Variants in OPA3 observed in about 807,000 individuals in gnomAD.
OPA3 encodes optic atrophy 3 protein.
In OPA3, 6 loss-of-function variants were observed where a neutral mutation model predicts 4.0. The ratio of observed to expected loss-of-function variants is 1.51; its 90% confidence interval spans 0.83 to 2.99. The LOEUF is 2.99. OPA3 is among the 30% of genes most tolerant of loss of function. The pLI is 0.00. For missense variants in OPA3, 235 were observed against 256.2 expected (o/e 0.92, Z 0.56); for synonymous variants, 105 against 117.1 (o/e 0.90, Z 0.67).
rs751946259 is a variant in OPA3, at chr19:45,550,450, G to C, written c.*3064C>G. 1 of 986,020 alleles carries C rather than the reference G, an allele frequency of 1.0e-6. No homozygotes were observed. The highest frequency in any genetic ancestry group is 1.2e-6 in the Non-Finnish European group (1 of 830,438). The allele number at this position is 986,020 out of a possible 1,614,324, so 61.1% of individuals were successfully genotyped here. A position where few individuals can be genotyped will look rare whatever the true frequency, so the allele number is the denominator to read the frequency against. On this transcript the variant is annotated 3_prime_UTR_variant, in exon 2 of 2. Coordinates refer to ENST00000263275, the MANE Select transcript of OPA3 (RefSeq NM_025136.4). ...CTCCCACTATCAACGCCACCTCTGG[G>C]ATGGTCTGGGCCTCTGTGTAGAGAT...
At chr19:45,578,712 A>G (rs1007250295) in intron 1 of OPA3, among the ~76,000 whole-genome samples, 15 of 152,164 alleles carry the variant, frequency 9.9e-5, no homozygotes, top group Non-Finnish European at 2.2e-4. Flanking sequence ...CTGTAATCCC[A>G]GCTACTCGGG....
intron 1 of OPA3, chr19:45,529,533 C>A: frequency 1.3e-6 from 2 of 1,558,758 alleles, no homozygotes; most frequent in Non-Finnish European, 1.8e-6. Context: ...GCTTCGATGT[C>A]CCCGTTGTAG....
intron 1 of OPA3, among the ~76,000 whole-genome samples, chr19:45,558,675 T>G (rs975005266): frequency 1.5e-4 from 23 of 152,030 alleles, no homozygotes; most frequent in African/African-American, 5.6e-4. Flanking sequence ...CGCTCCCCCA[T>G]TTCTACAGGG....
At chr19:45,563,966 C>G (rs1025695855) in intron 1 of OPA3, among the ~76,000 whole-genome samples, 1 of 151,852 alleles carries the variant, frequency 6.6e-6, no homozygotes, top group Non-Finnish European at 1.5e-5. Context: ...CTGGGATTAC[C>G]GGTGTGCACC....
chr19:45,536,723 G>C (rs969273684), intron 1 of OPA3, among the ~76,000 whole-genome samples: 1 of 152,082 alleles, frequency 6.6e-6, no homozygotes, highest in African/African-American at 2.4e-5. Flanking sequence ...AGAGAATCCA[G>C]AAATATTCAC....
intron 1 of OPA3, chr19:45,529,464 A>C (rs1969035028): frequency 6.2e-7 from 1 of 1,611,472 alleles, no homozygotes; most frequent in South Asian, 1.1e-5. Context: ...ACACTGCAGG[A>C]AAAGACAGGA....
At chr19:45,564,307 G>A (rs1008515280) in intron 1 of OPA3, among the ~76,000 whole-genome samples, 6 of 117,278 alleles carry the variant, frequency 5.1e-5, no homozygotes, top group East Asian at 2.9e-4. Context: ...AGGGGGGCAG[G>A]TAGAGGGAAG....
chr19:45,583,008 G>A (rs893950287), intron 1 of OPA3, among the ~76,000 whole-genome samples: 1 of 152,226 alleles, frequency 6.6e-6, no homozygotes, highest in African/African-American at 2.4e-5. Flanking sequence ...ATAGCTTGGA[G>A]GTTAGAAGCA....
At chr19:45,542,002 A>G (rs866820921), downstream of OPA3, among the ~76,000 whole-genome samples, 17 of 152,282 alleles carry the variant, frequency 1.1e-4, no homozygotes, top group African/African-American at 4.1e-4. Context: ...GGAGTCCCTG[A>G]GTGCTTCATG....
rs186395735 is a variant in OPA3, at chr19:45,548,081, C to G, written c.*5433G>C. The G allele has an allele frequency of 1.0e-6, 1 of 980,966 alleles. No homozygotes were observed. The highest frequency in any genetic ancestry group is 6.1e-5 in the Admixed American group (1 of 16,266). The allele number at this position is 980,966 out of a possible 1,614,324, so 60.8% of individuals were successfully genotyped here. On this transcript the variant is annotated 3_prime_UTR_variant, in exon 2 of 2. Coordinates refer to ENST00000263275, the MANE Select transcript of OPA3 (RefSeq NM_025136.4). ...CTGCTTGCTCCCAACTGGCTCCCAGCTACTAGAATGGAGCCTGGTGCAGTT... is the reference window on the plus strand; with the variant it reads ...CTGCTTGCTCCCAACTGGCTCCCAGGTACTAGAATGGAGCCTGGTGCAGTT...
chr19:45,581,309 G>A (rs1237452218), intron 1 of OPA3, among the ~76,000 whole-genome samples: 1 of 152,048 alleles, frequency 6.6e-6, no homozygotes, highest in Non-Finnish European at 1.5e-5. Context: ...CTTACAGAGG[G>A]GGAAAAAAAG....
intron 1 of OPA3, among the ~76,000 whole-genome samples, chr19:45,539,202 C>T (rs1283579709): frequency 6.6e-6 from 1 of 152,144 alleles, no homozygotes; most frequent in East Asian, 1.9e-4. Context: ...GGACACAGAG[C>T]CAAACTATAT....
chr19:45,563,543 G>A (rs2122469939), intron 1 of OPA3, among the ~76,000 whole-genome samples: 1 of 152,132 alleles, frequency 6.6e-6, no homozygotes, highest in Middle Eastern at 3.4e-3. Context: ...CTGAAATAGA[G>A]TAAGGAAGTC....
chr19:45,558,003 T>C (rs1299790835), intron 1 of OPA3, among the ~76,000 whole-genome samples: 1 of 152,052 alleles, frequency 6.6e-6, no homozygotes, highest in Non-Finnish European at 1.5e-5. Flanking sequence ...TCTGCAATTG[T>C]CCCCCACGCA....
intron 1 of OPA3, among the ~76,000 whole-genome samples, chr19:45,567,324 G>C (rs1019586335): frequency 2.7e-5 from 4 of 149,472 alleles, no homozygotes; most frequent in Admixed American, 6.7e-5. Context: ...TGGGTGACAG[G>C]GGGAGACCCT....
intron 1 of OPA3, among the ~76,000 whole-genome samples, chr19:45,567,547 A>G (rs1387284910): frequency 6.6e-6 from 1 of 152,054 alleles, no homozygotes; most frequent in African/African-American, 2.4e-5. Flanking sequence ...ACCTTTCTAG[A>G]GTAATGACGA....
chr19:45,549,425 G>A lies in OPA3; in HGVS notation c.*4089C>T. ...GAGATGTGAGAGCAGCACTCCATCT[G>A]GGTCAGGACAGCGCTGGGGTCAGGA... On this transcript the variant is annotated 3_prime_UTR_variant, in exon 2 of 2. Coordinates refer to ENST00000263275, the MANE Select transcript of OPA3 (RefSeq NM_025136.4). The A allele has an allele frequency of 1.0e-6, 1 of 985,312 alleles. No individual in the cohort carries two copies. Among genetic ancestry groups the A allele is most frequent in the Non-Finnish European group, 1.2e-6 (1 of 829,924 alleles). The allele number at this position is 985,312 out of a possible 1,614,324, so 61.0% of individuals were successfully genotyped here. A position where few individuals can be genotyped will look rare whatever the true frequency, so the allele number is the denominator to read the frequency against.
At chr19:45,572,770 T>C (rs149309732) in intron 1 of OPA3, among the ~76,000 whole-genome samples, 8,220 of 66,496 alleles carry the variant, frequency 0.12, 376 homozygotes, top group South Asian at 0.18. Flanking sequence ...TATATATCTA[T>C]ATATATCATA....
chr19:45,546,213 A>G (rs115090385), downstream of OPA3: 2,193 of 166,242 alleles, frequency 0.013, 53 homozygotes, highest in African/African-American at 0.05. Flanking sequence ...GAATGCATAT[A>G]TATCTGTAGT....
Sources: allele counts gnomAD v4.1 joint callset (sites outside exome capture counted in the v4.1 genomes callset), GRCh38; gene constraint gnomAD v4.1.1; transcripts MANE v1.5; gene names NCBI Gene and HGNC (gene_info 2026-07-23, HGNC 2026-07-21).